The following KMT2C variants were observed in gnomAD, a reference collection of about 807,000 sequenced individuals.
KMT2C encodes lysine methyltransferase 2C, also known as histone-lysine N-methyltransferase 2C.
A neutral mutation model predicts 507.9 loss-of-function variants in KMT2C; 88 were observed. The observed-to-expected ratio is 0.17, with a 90% CI of 0.15 to 0.21. KMT2C has a LOEUF of 0.21. Ranked by LOEUF, KMT2C falls within the 10% of genes least tolerant of loss-of-function variation. The pLI, the probability that KMT2C is intolerant of heterozygous loss-of-function variation, is 1.00. For missense variants in KMT2C, 4,954 were observed against 5,957.8 expected (o/e 0.83, Z 5.55); for synonymous variants, 2,049 against 2,080.8 (o/e 0.98, Z 0.42).
At chr7:152,143,131 G>A (rs954711461) in intron 55 of KMT2C, among the ~76,000 whole-genome samples, 2 of 152,194 alleles carry the variant, frequency 1.3e-5, no homozygotes, top group Non-Finnish European at 2.9e-5. Context: ...AAAAGTAATT[G>A]ACTTAGCAGG....
At chr7:152,431,294 T>C (rs2097860488) in intron 1 of KMT2C, among the ~76,000 whole-genome samples, 1 of 151,580 alleles carries the variant, frequency 6.6e-6, no homozygotes, top group Non-Finnish European at 1.5e-5. Flanking sequence ...AATAACATCT[T>C]CTCAAATATT....
rs1491309235 is a variant in KMT2C, at chr7:152,178,015, T to TTTAAAAAA, written c.7443-6_7443-5insTTTTTTAA. On this transcript the variant is annotated splice_polypyrimidine_tract_variant and splice_region_variant and intron_variant, in intron 37 of 58. Coordinates refer to ENST00000262189, the MANE Select transcript of KMT2C (RefSeq NM_170606.3). ...CTACCTCCTGGAAATCCAAATCTTT[T>TTTAAAAAA]AAAAAAAAAAAAAAAAAAAAAAAAA... is the stretch of plus-strand genomic sequence containing the variant. 7.2e-5 allele frequency: 58 copies of TTTAAAAAA among 811,014 alleles called. No individual in the cohort carries two copies. In the African/African-American group the frequency reaches 1.4e-3, roughly 20 times the overall value. 50.2% of individuals were successfully genotyped at this position (811,014 alleles called of 1,614,324 possible).
Position 152,181,413 on chromosome 7 carries a change from T to C in KMT2C, c.6447A>G (p.Ser2149=), listed in dbSNP as rs535678778. ...GGTCTGTATTGGACCTAGCTGTTCC[T>C]GAAGATTGGGAATAAGAATCTACAA... is the stretch of plus-strand genomic sequence containing the variant. ...RPVVDSYSQS[S]GTARSNTDPY... The change falls in exon 36 of 59, where the codon TCA becomes TCG. Residue 2149 remains serine (S), a synonymous_variant. Coordinates refer to ENST00000262189, the MANE Select transcript of KMT2C (RefSeq NM_170606.3). The C allele has an allele frequency of 4.3e-5, 70 of 1,613,974 alleles. 2 individuals are homozygous for C. The East Asian group carries it at 1.4e-3, about 33-fold the overall frequency.
intron 27 of KMT2C, among the ~76,000 whole-genome samples, 183 bp from the exon 28 acceptor site, chr7:152,196,194 T>G (rs2093956301): frequency 6.6e-6 from 1 of 152,100 alleles, no homozygotes; most frequent in Admixed American, 6.6e-5. Flanking sequence ...TTACAAAAAT[T>G]TACTAAAAAT....
chr7:152,375,008 A>G (rs921076760), intron 1 of KMT2C, among the ~76,000 whole-genome samples: 1 of 152,204 alleles, frequency 6.6e-6, no homozygotes, highest in Non-Finnish European at 1.5e-5. Flanking sequence ...TTTTGCTTAC[A>G]GACATACCTC....
intron 23 of KMT2C, among the ~76,000 whole-genome samples, chr7:152,217,174 C>T (rs1324396291): frequency 1.3e-5 from 2 of 152,082 alleles, no homozygotes; most frequent in Non-Finnish European, 2.9e-5. Context: ...ACAAAATACC[C>T]AGAAAAGGGC....
chr7:152,211,690 C>G (rs2094458333), intron 23 of KMT2C, among the ~76,000 whole-genome samples: 1 of 152,198 alleles, frequency 6.6e-6, no homozygotes, highest in Admixed American at 6.5e-5. Context: ...TCACTGTAGG[C>G]TAAAGTCTCT....
intron 1 of KMT2C, among the ~76,000 whole-genome samples, chr7:152,391,287 G>A (rs1355330913): frequency 1.3e-5 from 2 of 150,912 alleles, no homozygotes; most frequent in East Asian, 2.0e-4. Flanking sequence ...CACCCAGGCT[G>A]AAGTGCACTG....
chr7:152,432,630 G>A (rs1208243219), intron 1 of KMT2C, among the ~76,000 whole-genome samples: 4 of 152,048 alleles, frequency 2.6e-5, no homozygotes, highest in African/African-American at 4.8e-5. Context: ...TTGATTTTAG[G>A]TAGTAAAATT....
rs754884751 is a variant in KMT2C at position 152,250,845 on chromosome 7, A to T, written c.1735+8T>A. ...CAAAAACAGAGTATATCCATTAAAC[A>T]TTCTTACCATCTGGAACAATTCCAG... On this transcript the variant is annotated splice_region_variant and intron_variant, in intron 12 of 58. Coordinates refer to ENST00000262189, the MANE Select transcript of KMT2C (RefSeq NM_170606.3). 7.0e-7 allele frequency: 1 copy of T among 1,433,266 alleles called. No individual in the cohort carries two copies. Among genetic ancestry groups the T allele is most frequent in the Non-Finnish European group, 9.8e-7 (1 of 1,016,998 alleles). The allele number at this position is 1,433,266 out of a possible 1,614,324, so 88.8% of individuals were successfully genotyped here. A position where few individuals can be genotyped will look rare whatever the true frequency, so the allele number is the denominator to read the frequency against.
chr7:152,178,015 T>TTA lies in KMT2C; in HGVS notation c.7443-6_7443-5insTA, dbSNP rs1491309235. ...CTACCTCCTGGAAATCCAAATCTTTTAAAAAAAAAAAAAAAAAAAAAAAAA... is the reference window on the plus strand; with the variant it reads ...CTACCTCCTGGAAATCCAAATCTTTTTAAAAAAAAAAAAAAAAAAAAAAAAAA... On this transcript the variant is annotated splice_polypyrimidine_tract_variant and splice_region_variant and intron_variant, in intron 37 of 58. Coordinates refer to ENST00000262189, the MANE Select transcript of KMT2C (RefSeq NM_170606.3). The TTA allele has an allele frequency of 1.8e-3, 1,470 of 810,908 alleles. 83 individuals are homozygous for TTA. In the African/African-American group the frequency reaches 0.031, roughly 17 times the overall value. The allele number at this position is 810,908 out of a possible 1,614,324, so 50.2% of individuals were successfully genotyped here.
At position 152,148,423 on chromosome 7, in the gene KMT2C, G is replaced by A. The variant is rs2129095227; in HGVS notation, c.13504C>T (p.Leu4502Phe). The A allele has an allele frequency of 6.2e-7, 1 of 1,614,264 alleles. No individual in the cohort carries two copies. Among genetic ancestry groups the A allele is most frequent in the Non-Finnish European group, 8.5e-7 (1 of 1,180,054 alleles). Residue 4502 changes from leucine to phenylalanine, a missense_variant, in exon 52 of 59, where the codon CTT (leucine) becomes TTT (phenylalanine). By Grantham distance (22) the Leu-to-Phe change is conservative. This residue lies in a region of KMT2C where 221 missense variants were observed against 304.7 expected (regional missense o/e 0.73). Transcript: ENST00000262189. This position sits in a 1 kb window ranked among gnomAD's most constrained non-coding sequence, Gnocchi z 7.1. ...CCCTTTGGTTTGTGCATGGGGCAAAGCATAGTTTTGTCCTTAAAAAACATG... is the reference window on the plus strand; with the variant it reads ...CCCTTTGGTTTGTGCATGGGGCAAAACATAGTTTTGTCCTTAAAAAACATG... ...QCMFFKDKTMLCPMHKPKGIH... is the reference protein window; with the variant it reads ...QCMFFKDKTMFCPMHKPKGIH...
At chr7:152,385,725 G>A (rs888720349) in intron 1 of KMT2C, among the ~76,000 whole-genome samples, 1 of 150,044 alleles carries the variant, frequency 6.7e-6, no homozygotes, top group African/African-American at 2.5e-5. Context: ...AAGTATGATG[G>A]TGGTATTAGG....
chr7:152,255,806 T>C (rs568721640), intron 9 of KMT2C, among the ~76,000 whole-genome samples: 1 of 152,208 alleles, frequency 6.6e-6, no homozygotes, highest in South Asian at 2.1e-4. Context: ...GAATAGCCAG[T>C]TGGAAAAAGA....
In KMT2C at chr7:152,315,304, T is replaced by C. The variant is rs1050503825; in HGVS notation, c.424A>G (p.Lys142Glu). 1.2e-6 allele frequency: 2 copies of C among 1,613,894 alleles called. No homozygotes were observed. Among genetic ancestry groups the C allele is most frequent in the African/African-American group, 1.3e-5 (1 of 74,928 alleles). Residue 142 changes from lysine to glutamate, a missense_variant, in exon 4 of 59, where the codon AAA becomes GAA. Around this residue, in one of 29 missense-constraint regions of KMT2C, gnomAD observed 233 missense variants for 263.6 expected, o/e 0.88. Transcript: ENST00000262189. Reference sequence around the variant, plus strand: ...AAGTCTCCTTGTCCTAAGGAACTTTTTTCCCCACAGTAACAAAAAGCGCAG... The same window carrying C: ...AAGTCTCCTTGTCCTAAGGAACTTTCTTCCCCACAGTAACAAAAAGCGCAG... ...QLCAFCYCGE[K>E]SSLGQGDLKQ...
At position 152,185,563 on chromosome 7, in the gene KMT2C, A is replaced by G. The variant is rs1435001871; in HGVS notation, c.5077T>C (p.Tyr1693His). 6.2e-7 allele frequency: 1 copy of G among 1,612,954 alleles called. No individual in the cohort carries two copies. ...AGAGGAGTTTCTTAAAATACCACAT[A>G]TGGTGCTCTTTCTTGTGAGCTTGCT... ...RKASSQERAP[Y>H]VQKARDNRAA... The change falls in exon 34 of 59, where the codon TAT becomes CAT. Residue 1693 changes from tyrosine (Y) to histidine (H), a missense_variant. Coordinates refer to ENST00000262189, the MANE Select transcript of KMT2C (RefSeq NM_170606.3).
At chr7:152,371,394 C>A (rs992124260) in intron 1 of KMT2C, among the ~76,000 whole-genome samples, 1 of 151,902 alleles carries the variant, frequency 6.6e-6, no homozygotes, top group African/African-American at 2.4e-5. Context: ...GATACATAAA[C>A]CAGAAAAGAA....
chr7:152,235,518 A>G (rs2095250341), intron 16 of KMT2C, among the ~76,000 whole-genome samples: 1 of 142,188 alleles, frequency 7.0e-6, no homozygotes, highest in Non-Finnish European at 1.6e-5. Flanking sequence ...TAGTAAGCAA[A>G]TATCTATCAA....
chr7:152,180,605 T>A (rs1012570168), intron 36 of KMT2C, 106 bp downstream of exon 36: 5 of 854,990 alleles, frequency 5.8e-6, no homozygotes, highest in African/African-American at 3.4e-5. Flanking sequence ...CTCTACAGAA[T>A]AAAAAAAATA....
Sources: gnomAD v4.1 joint callset for allele counts (sites outside exome capture counted in the v4.1 genomes callset) on GRCh38, gnomAD v4.1.1 for gene constraint, gnomAD v4.1.1 regional missense constraint, Gnocchi (gnomAD v3.1) non-coding constraint, MANE v1.5 for transcripts, NCBI Gene and HGNC (gene_info 2026-07-23, HGNC 2026-07-21) for gene names.